EYS: variants seen among roughly 807,000 people sequenced by gnomAD.
The protein encoded by EYS is protein eyes shut homolog.
EYS carries 250 observed loss-of-function variants against 282.1 expected under a neutral mutation model. That is an observed-to-expected ratio of 0.89 (90% CI 0.80 to 0.98). The LOEUF is 0.98. Among genes scored for constraint, EYS ranks in the 50% least tolerant of loss-of-function variants. The probability of loss-of-function intolerance (pLI) is 0.00; values close to 1 mark genes in which losing one functional copy is unlikely to be tolerated. For missense variants in EYS, 4,016 were observed against 3,709.0 expected (o/e 1.08, Z -2.15); for synonymous variants, 1,355 against 1,282.9 (o/e 1.06, Z -1.20).
intron 2 of EYS, among the ~76,000 whole-genome samples, chr6:65,590,884 A>G (rs1765208020): frequency 6.6e-6 from 1 of 150,870 alleles, no homozygotes; most frequent in Non-Finnish European, 1.5e-5. Flanking sequence ...TCTTCAGTTG[A>G]TGGACACTTA....
chr6:65,512,308 C>A (rs1003030775), intron 2 of EYS, among the ~76,000 whole-genome samples: 8 of 151,750 alleles, frequency 5.3e-5, no homozygotes, highest in Non-Finnish European at 1.2e-4. Context: ...CTAATTAACA[C>A]GGTGAAACCC....
intron 14 of EYS, among the ~76,000 whole-genome samples, chr6:64,966,035 C>T (rs189598380): frequency 2.6e-5 from 4 of 151,542 alleles, no homozygotes; most frequent in South Asian, 2.1e-4. Context: ...TACTGGGTTG[C>T]GAAATGGGTA....
intron 26 of EYS, among the ~76,000 whole-genome samples, chr6:64,490,431 T>C (rs1423398140): frequency 1.3e-5 from 2 of 150,960 alleles, no homozygotes; most frequent in African/African-American, 4.8e-5. Flanking sequence ...TATTTTACAA[T>C]ACACATTAAA....
chr6:64,299,783 G>T (rs1769169903), intron 30 of EYS, among the ~76,000 whole-genome samples: 1 of 152,188 alleles, frequency 6.6e-6, no homozygotes. Context: ...TAAACATAGA[G>T]CTCTGGGAAC....
chr6:65,702,045 G>T (rs1582619835), intron 1 of EYS, among the ~76,000 whole-genome samples: 1 of 152,256 alleles, frequency 6.6e-6, no homozygotes, highest in East Asian at 1.9e-4. Context: ...TGACTGACAT[G>T]TGCTTAACAA....
intron 19 of EYS, among the ~76,000 whole-genome samples, chr6:64,865,862 C>A (rs1345585437): frequency 6.6e-6 from 1 of 151,890 alleles, no homozygotes; most frequent in African/African-American, 2.4e-5. Flanking sequence ...ACTAATAGAA[C>A]TTTGTGATGG....
At chr6:64,371,324 G>GTTTTT (rs34032224) in intron 29 of EYS, among the ~76,000 whole-genome samples, 121 of 143,116 alleles carry the variant, frequency 8.5e-4, no homozygotes, top group Middle Eastern at 3.5e-3. Flanking sequence ...TTTATGGTTG[G>GTTTTT]TTTTTTTTTT....
At chr6:65,210,572 T>C (rs114490271) in intron 12 of EYS, among the ~76,000 whole-genome samples, 81 of 152,122 alleles carry the variant, frequency 5.3e-4, no homozygotes, top group African/African-American at 1.7e-3. Context: ...TTAAATCAAT[T>C]GGCATGATCT....
chr6:64,207,948 C>A (rs1023766672), intron 31 of EYS, among the ~76,000 whole-genome samples: 2 of 152,126 alleles, frequency 1.3e-5, no homozygotes, highest in Non-Finnish European at 2.9e-5. Context: ...CTTGAGCCAC[C>A]GTGCCCAGTC....
intron 36 of EYS, among the ~76,000 whole-genome samples, chr6:63,845,065 G>T (rs1772063280): frequency 6.6e-6 from 1 of 152,134 alleles, no homozygotes; most frequent in Non-Finnish European, 1.5e-5. Context: ...TCCAGTTTCA[G>T]TTTTCTGCAT....
At chr6:64,343,765 G>A (rs1427003296) in intron 29 of EYS, among the ~76,000 whole-genome samples, 2 of 152,042 alleles carry the variant, frequency 1.3e-5, no homozygotes, top group Non-Finnish European at 2.9e-5. Context: ...AGTGAATCCA[G>A]CAGCTGGTTT....
rs1423995071 is a variant in EYS, at chr6:64,045,981, T to A, written c.6725+20357A>T. Among the ~76,000 whole-genome samples the A allele has an allele frequency of 2.1e-5, 3 of 141,672 alleles. No individual in the cohort carries two copies. In the East Asian group the frequency reaches 5.8e-4, roughly 28 times the overall value. The allele number at this position is 141,672 out of a possible 152,430, so 92.9% of individuals were successfully genotyped here. A position where few individuals can be genotyped will look rare whatever the true frequency, so the allele number is the denominator to read the frequency against. On this transcript the variant is annotated intron_variant, in intron 33 of 42. Transcript: ENST00000503581. ...TTTTATATATGTAATCTATAATACG[T>A]ATGTATTATATACTTTGTATATGTA...
intron 12 of EYS, among the ~76,000 whole-genome samples, chr6:65,175,350 C>A (rs1249279533): frequency 6.6e-6 from 1 of 151,252 alleles, no homozygotes; most frequent in African/African-American, 2.4e-5. Context: ...CTTTTAGATA[C>A]TATACCAGTC....
intron 26 of EYS, among the ~76,000 whole-genome samples, chr6:64,582,731 T>C (rs575158798): frequency 1.2e-4 from 18 of 152,278 alleles, no homozygotes; most frequent in African/African-American, 4.3e-4. Flanking sequence ...ATCACTCTAC[T>C]GTATTCTCTA....
At chr6:64,674,779 CAT>C (rs1769594676) in intron 22 of EYS, among the ~76,000 whole-genome samples, 1 of 151,238 alleles carries the variant, frequency 6.6e-6, no homozygotes, top group Non-Finnish European at 1.5e-5. Context: ...CACACACACA[CAT>C]ATATATACAC....
At chr6:64,968,886 C>A (rs1770193762) in intron 14 of EYS, among the ~76,000 whole-genome samples, 1 of 152,156 alleles carries the variant, frequency 6.6e-6, no homozygotes, top group African/African-American at 2.4e-5. Context: ...AGACCACATC[C>A]AATCATTGCT....
At chr6:65,682,142 T>C (rs1443196783) in intron 1 of EYS, among the ~76,000 whole-genome samples, 1 of 152,024 alleles carries the variant, frequency 6.6e-6, no homozygotes, top group Non-Finnish European at 1.5e-5. Context: ...CCTCCCTGTT[T>C]AGCTGTCAGG....
At chr6:65,203,892 TA>T (rs149582357) in intron 12 of EYS, among the ~76,000 whole-genome samples, 37 of 150,364 alleles carry the variant, frequency 2.5e-4, no homozygotes, top group Middle Eastern at 6.8e-3. Context: ...TAACTGGAAA[TA>T]AAAAAAAACT....
chr6:63,898,513 A>G (rs1320616020), intron 35 of EYS, among the ~76,000 whole-genome samples: 1 of 151,920 alleles, frequency 6.6e-6, no homozygotes, highest in Non-Finnish European at 1.5e-5. Flanking sequence ...ATAAAAATAA[A>G]TAAATAAAAT....
Sources: gnomAD v4.1 joint callset for allele counts (sites outside exome capture counted in the v4.1 genomes callset) on GRCh38, gnomAD v4.1.1 for gene constraint, MANE v1.5 for transcripts, NCBI Gene and HGNC (gene_info 2026-07-23, HGNC 2026-07-21) for gene names.